The following MED10 variants were observed in gnomAD, a reference collection of about 807,000 sequenced individuals.
MED10 encodes mediator of RNA polymerase II transcription subunit 10.
MED10 carries 9 observed loss-of-function variants against 17.2 expected under a neutral mutation model. The observed-to-expected ratio is 0.52, with a 90% CI of 0.31 to 0.91. The LOEUF (loss-of-function observed/expected upper bound fraction) is 0.91, where lower values mean the gene tolerates loss of function less well. MED10 is among the 40% of genes least tolerant of loss of function. The probability of loss-of-function intolerance (pLI) is 0.04; values close to 1 mark genes in which losing one functional copy is unlikely to be tolerated. For missense variants in MED10, 129 were observed against 164.8 expected (o/e 0.78, Z 1.19); for synonymous variants, 66 against 59.8 (o/e 1.10, Z -0.48).
intron 1 of MED10, 115 bp downstream of exon 1, chr5:6,378,247 G>C: frequency 1.4e-6 from 2 of 1,381,012 alleles, no homozygotes; most frequent in Non-Finnish European, 1.9e-6. Context: ...CAGAGGGCTG[G>C]CGGGGCACGA....
At chr5:6,372,761 A>G (rs1737913448) in intron 3 of MED10, among the ~76,000 whole-genome samples, 160 bp from the exon 4 acceptor site, 7 of 152,168 alleles carry the variant, frequency 4.6e-5, no homozygotes. Context: ...AAATGACACC[A>G]ATAGCAACAT....
chr5:6,372,129 C>A lies in MED10; in HGVS notation c.*374G>T. 5.5e-6 allele frequency: 1 copy of A among 181,356 alleles called. No individual in the cohort carries two copies. 11.2% of individuals were successfully genotyped at this position (181,356 alleles called of 1,614,324 possible). Reference sequence around the variant, plus strand: ...TTTCGGACACCATAATACAATAGAACAGAAAGAGTATGTTAAAAGAAAAAT... The same window carrying A: ...TTTCGGACACCATAATACAATAGAAAAGAAAGAGTATGTTAAAAGAAAAAT... On this transcript the variant is annotated 3_prime_UTR_variant, in exon 4 of 4. Coordinates refer to ENST00000255764, the MANE Select transcript of MED10 (RefSeq NM_032286.3).
At chr5:6,375,584 C>T (rs1008856734) in intron 2 of MED10, among the ~76,000 whole-genome samples, 4 of 152,204 alleles carry the variant, frequency 2.6e-5, no homozygotes, top group African/African-American at 9.7e-5. Context: ...AGCTGACGGT[C>T]GTTTCTTCAA....
rs776314245 is a variant in MED10, at chr5:6,374,368, G to A, written c.265C>T (p.Leu89=). 3.7e-6 allele frequency: 6 copies of A among 1,613,992 alleles called. No homozygotes were observed. Among genetic ancestry groups the A allele is most frequent in the Non-Finnish European group, 5.1e-6 (6 of 1,179,928 alleles). Residue 89 remains leucine, a synonymous_variant, in exon 3 of 4, where the codon CTA becomes TTA. Transcript: ENST00000255764. ...CCTTTAACTTGCTCATTTTTAGCTA[G>A]AGCCCTCTCCAGGCACTCTTTGGTG... ...LYTKECLERA[L]AKNEQVKGKI...
At chr5:6,376,432 C>T (rs888469966) in intron 2 of MED10, among the ~76,000 whole-genome samples, 2 of 152,170 alleles carry the variant, frequency 1.3e-5, no homozygotes, top group South Asian at 2.1e-4. Flanking sequence ...CCGGGGGTTT[C>T]GTCTTAACTC....
chr5:6,372,716 G>A, intron 3 of MED10, 115 bp from the exon 4 acceptor site: 1 of 743,018 alleles, frequency 1.3e-6, no homozygotes, highest in Non-Finnish European at 2.3e-6. Flanking sequence ...CAGGGCCACG[G>A]GACTGACCTG....
rs114927581 is a variant in MED10 at position 6,376,451 on chromosome 5, A to G, written c.206+715T>C. Among the ~76,000 whole-genome samples, 560 of 152,358 alleles carry G rather than the reference A, an allele frequency of 3.7e-3. 4 individuals are homozygous for G. Among genetic ancestry groups the G allele is most frequent in the African/African-American group, 0.013 (541 of 41,584 alleles). On this transcript the variant is annotated intron_variant, in intron 2 of 3. Coordinates refer to ENST00000255764, the MANE Select transcript of MED10 (RefSeq NM_032286.3). ...GGGTTTCGTCTTAACTCTGACACTTACTAGGTAAACAACCTATTGCAGTTA... is the reference window on the plus strand; with the variant it reads ...GGGTTTCGTCTTAACTCTGACACTTGCTAGGTAAACAACCTATTGCAGTTA...
chr5:6,374,946 C>T (rs1553982521), intron 2 of MED10: 1 of 153,344 alleles, frequency 6.5e-6, no homozygotes, highest in Non-Finnish European at 1.5e-5. Flanking sequence ...GAAAGGAGAA[C>T]TACAAGCACA....
intron 1 of MED10, 113 bp from the exon 2 acceptor site, chr5:6,377,362 G>A: frequency 1.6e-6 from 1 of 638,830 alleles, no homozygotes; most frequent in Non-Finnish European, 2.7e-6. Flanking sequence ...TCTCCTCACA[G>A]CTATGCGGGT....
rs1267307790 is a variant in MED10, at chr5:6,372,407, T to C, written c.*96A>G. 3 of 1,008,000 alleles carry C rather than the reference T, an allele frequency of 3.0e-6. No individual in the cohort carries two copies. In the African/African-American group the frequency reaches 4.7e-5, roughly 16 times the overall value. 62.4% of individuals were successfully genotyped at this position (1,008,000 alleles called of 1,614,324 possible). On this transcript the variant is annotated 3_prime_UTR_variant, in exon 4 of 4. Transcript: ENST00000255764. ...GCTGAGGGGTGTGTCCAGGGCCCAG[T>C]CCCACCTCAGCAGGAAGGTGGCGTC...
chr5:6,373,333 G>A (rs1041991441), intron 3 of MED10, among the ~76,000 whole-genome samples: 1 of 152,180 alleles, frequency 6.6e-6, no homozygotes, highest in Non-Finnish European at 1.5e-5. Flanking sequence ...CCAGGCATCA[G>A]TGGGAACAGA....
intron 2 of MED10, 52 bp from the exon 3 acceptor site, chr5:6,374,478 C>A (rs1433478013): frequency 7.8e-7 from 1 of 1,285,552 alleles, no homozygotes; most frequent in Non-Finnish European, 1.1e-6. Flanking sequence ...CACCTATTCT[C>A]ACAGCTTTCT....
chr5:6,375,807 A>G (rs908466856), intron 2 of MED10, among the ~76,000 whole-genome samples: 10 of 152,170 alleles, frequency 6.6e-5, no homozygotes. Context: ...ATTTGCAGAT[A>G]AACTCCCAGC....
rs146786812 is a variant in MED10, at chr5:6,376,980, G to A, written c.206+186C>T. ...TTTCGTTTTGTAATGCCATTAGAAC[G>A]GAAGTTCCATAAGGGCAGGTATTTT... On this transcript the variant is annotated intron_variant, in intron 2 of 3. Transcript: ENST00000255764. 3.5e-3 allele frequency: 1,468 copies of A among 418,954 alleles called. 4 individuals carry two copies. The highest frequency in any genetic ancestry group is 6.1e-3 in the Admixed American group (139 of 22,866). The allele number at this position is 418,954 out of a possible 1,614,324, so 26.0% of individuals were successfully genotyped here.
Position 6,372,254 on chromosome 5 carries a change from CA to C in MED10, c.*248del, listed in dbSNP as rs1737901997. 2.1e-6 allele frequency: 1 copy of C among 485,908 alleles called. No homozygotes were observed. The allele number at this position is 485,908 out of a possible 1,614,324, so 30.1% of individuals were successfully genotyped here. On this transcript the variant is annotated 3_prime_UTR_variant, in exon 4 of 4. Transcript: ENST00000255764. Reference sequence around the variant, plus strand: ...ATCTGCCCTCAGAGAGAATGATCCCCACAGTGATGAGGGGTCAGCACTCTGA... The same window carrying C: ...ATCTGCCCTCAGAGAGAATGATCCCCCAGTGATGAGGGGTCAGCACTCTGA...
Position 6,376,506 on chromosome 5 carries a change from A to G in MED10, c.206+660T>C, listed in dbSNP as rs538119919. On this transcript the variant is annotated intron_variant, in intron 2 of 3. Coordinates refer to ENST00000255764, the MANE Select transcript of MED10 (RefSeq NM_032286.3). ...TCAGGTCCTTCATGTGTGAAATCAG[A>G]GATGTGACCAAATCAATGCAAGAAA... 2.6e-5 allele frequency among the ~76,000 whole-genome samples: 4 copies of G among 152,324 alleles called. No individual in the cohort carries two copies. The East Asian group carries it at 7.7e-4, about 29-fold the overall frequency.
intron 2 of MED10, 144 bp downstream of exon 2, chr5:6,377,019 ATTT>A (rs902388266): frequency 2.3e-6 from 1 of 428,800 alleles, no homozygotes; most frequent in African/African-American, 2.0e-5. Flanking sequence ...ATTTTTGTCT[ATTT>A]TTTTTTCCAC....
chr5:6,374,493 G>T, intron 2 of MED10, 67 bp from the exon 3 acceptor site: 1 of 1,148,330 alleles, frequency 8.7e-7, no homozygotes, highest in Non-Finnish European at 1.3e-6. Flanking sequence ...CTTTCTGAAA[G>T]GTATGGGGGA....
intron 1 of MED10, among the ~76,000 whole-genome samples, chr5:6,377,828 C>T (rs191610182): frequency 4.6e-5 from 7 of 152,384 alleles, no homozygotes; most frequent in Admixed American, 2.6e-4. Context: ...CAGCACAAGG[C>T]TGTTGCCAAG....
Sources: gnomAD v4.1 joint callset for allele counts (sites outside exome capture counted in the v4.1 genomes callset) on GRCh38, gnomAD v4.1.1 for gene constraint, MANE v1.5 for transcripts, NCBI Gene and HGNC (gene_info 2026-07-23, HGNC 2026-07-21) for gene names.